Variants in PARD3B observed in about 807,000 individuals in gnomAD.
PARD3B encodes par-3 family cell polarity regulator beta.
A neutral mutation model predicts 130.2 loss-of-function variants in PARD3B; 103 were observed. The observed-to-expected ratio is 0.79, with a 90% CI of 0.67 to 0.93. The LOEUF (loss-of-function observed/expected upper bound fraction) is 0.93. Ranked by LOEUF, PARD3B falls within the 40% of genes least tolerant of loss-of-function variation. The pLI is 0.00. For synonymous variants in PARD3B, 583 were observed against 553.2 expected, an observed-to-expected ratio of 1.05 and a Z score of -0.76; for missense variants, 1,609 against 1,499.2, an observed-to-expected ratio of 1.07 and a Z score of -1.21.
At position 205,036,400 on chromosome 2, in the gene PARD3B, C is replaced by A. The variant is rs185360430; in HGVS notation, c.395-11181C>A. ...TATAGCAGACTATATAAAAAATATA[C>A]GTATATAGCAGACTATATATAAAAA... On this transcript the variant is annotated intron_variant, in intron 3 of 22. Coordinates refer to ENST00000406610, the MANE Select transcript of PARD3B (RefSeq NM_001302769.2). 1.1e-3 allele frequency among the ~76,000 whole-genome samples: 161 copies of A among 140,064 alleles called. 1 individual carries two copies. The highest frequency in any genetic ancestry group is 2.0e-3 in the Admixed American group (28 of 13,704). 91.9% of individuals were successfully genotyped at this position (140,064 alleles called of 152,430 possible).
chr2:205,133,144 A>T (rs1325655141), intron 10 of PARD3B, among the ~76,000 whole-genome samples: 2 of 152,176 alleles, frequency 1.3e-5, no homozygotes, highest in Non-Finnish European at 2.9e-5. Flanking sequence ...GAGGGTTAGG[A>T]TAGTTTTCCA....
chr2:204,622,847 C>T lies in PARD3B; in HGVS notation c.121-63334C>T, dbSNP rs1056051499. Among the ~76,000 whole-genome samples the T allele has an allele frequency of 5.3e-5, 8 of 152,062 alleles. No individual in the cohort carries two copies. In the South Asian group the frequency reaches 1.2e-3, roughly 24 times the overall value. Reference sequence around the variant, plus strand: ...AGTGTATTATCAGTAAACATTTGAGCTAGTGCTAGAACTTCTTTAATGTAT... The same window carrying T: ...AGTGTATTATCAGTAAACATTTGAGTTAGTGCTAGAACTTCTTTAATGTAT... On this transcript the variant is annotated intron_variant, in intron 1 of 22. Transcript: ENST00000406610.
intron 2 of PARD3B, among the ~76,000 whole-genome samples, chr2:204,962,970 G>C (rs1004789319): frequency 6.6e-6 from 1 of 152,216 alleles, no homozygotes; most frequent in African/African-American, 2.4e-5. Context: ...CGTTTTGCCT[G>C]TGTCTCCAAA....
intron 2 of PARD3B, among the ~76,000 whole-genome samples, chr2:204,722,884 C>A (rs1007922820): frequency 2.0e-5 from 3 of 152,150 alleles, no homozygotes; most frequent in African/African-American, 7.2e-5. Context: ...TTCTGACTCC[C>A]ACTCTTTCCC....
chr2:205,140,123 G>A (rs189622577), intron 10 of PARD3B, among the ~76,000 whole-genome samples: 1 of 152,340 alleles, frequency 6.6e-6, no homozygotes, highest in Admixed American at 6.5e-5. Context: ...CACATTGAGA[G>A]GCCAGGGCGG....
intron 2 of PARD3B, among the ~76,000 whole-genome samples, chr2:204,807,126 C>G (rs144468491): frequency 3.2e-3 from 490 of 152,216 alleles, no homozygotes; most frequent in Non-Finnish European, 5.4e-3. Context: ...GAGACTTATT[C>G]GCTCTCATGA....
chr2:204,911,490 A>T (rs1159588862), intron 2 of PARD3B, among the ~76,000 whole-genome samples: 3 of 152,232 alleles, frequency 2.0e-5, no homozygotes, highest in African/African-American at 7.2e-5. Context: ...CTCATCAAAC[A>T]TCTTCAATAA....
In PARD3B at chr2:205,031,197, A is replaced by G. The variant is rs577000202; in HGVS notation, c.395-16384A>G. 2.0e-4 allele frequency among the ~76,000 whole-genome samples: 30 copies of G among 152,278 alleles called. 1 individual carries two copies. In the South Asian group the frequency reaches 6.2e-3, roughly 32 times the overall value. On this transcript the variant is annotated intron_variant, in intron 3 of 22. Transcript: ENST00000406610. Reference sequence around the variant, plus strand: ...ATGTCACTGGCATATCTGAGAATTCAACCTATTTCATTTTGAGACCCACAT... The same window carrying G: ...ATGTCACTGGCATATCTGAGAATTCGACCTATTTCATTTTGAGACCCACAT...
chr2:204,848,958 A>G (rs924362357), intron 2 of PARD3B, among the ~76,000 whole-genome samples: 4 of 152,106 alleles, frequency 2.6e-5, no homozygotes, highest in African/African-American at 9.7e-5. Flanking sequence ...ATCAATCTTT[A>G]AGGTCCTTTT....
At chr2:205,388,480 G>A (rs1035616648) in intron 18 of PARD3B, among the ~76,000 whole-genome samples, 3 of 152,134 alleles carry the variant, frequency 2.0e-5, no homozygotes, top group East Asian at 1.9e-4. Context: ...ATCACTATGC[G>A]CTAAGCTACC....
intron 2 of PARD3B, among the ~76,000 whole-genome samples, chr2:204,802,679 A>G (rs2042614397): frequency 6.6e-6 from 1 of 152,190 alleles, no homozygotes; most frequent in Non-Finnish European, 1.5e-5. Flanking sequence ...GGATGAGTTC[A>G]TGTCCTTTGC....
chr2:204,649,955 A>C (rs749126860), intron 1 of PARD3B, among the ~76,000 whole-genome samples: 1 of 152,220 alleles, frequency 6.6e-6, no homozygotes, highest in Admixed American at 6.5e-5. Context: ...AGCAAAAGAA[A>C]CTATCAACAG....
rs2053249706 is a variant in PARD3B, at chr2:205,564,491, A to G, written c.3260+11088A>G. On this transcript the variant is annotated intron_variant, in intron 22 of 22. Transcript: ENST00000406610. The surrounding 1 kb of genome is among the most constrained non-coding windows in gnomAD (Gnocchi z 4.6). ...TTATGCTAGTGAGTTAAATATATAT[A>G]CATATAAACCAGTTGGTTCCACTTC... 6.6e-6 allele frequency among the ~76,000 whole-genome samples: 1 copy of G among 152,222 alleles called. No homozygotes were observed. Among genetic ancestry groups the G allele is most frequent in the South Asian group, 2.1e-4 (1 of 4,822 alleles).
intron 2 of PARD3B, among the ~76,000 whole-genome samples, chr2:204,729,688 G>A (rs1196146427): frequency 1.3e-5 from 2 of 152,052 alleles, no homozygotes; most frequent in African/African-American, 4.8e-5. Context: ...GAACCATTTA[G>A]AAAACATTTT....
In PARD3B at chr2:204,571,185, G is replaced by A. The variant is rs2031983268; in HGVS notation, c.120+25066G>A. Among the ~76,000 whole-genome samples, 3 of 152,124 alleles carry A rather than the reference G, an allele frequency of 2.0e-5. No homozygotes were observed. The South Asian group carries it at 6.2e-4, about 31-fold the overall frequency. The stretch of plus-strand genomic sequence containing the variant: ...AAGAAGGTGAAATAGATCCATGTGG[G>A]GTTTTGGGAAAAACACTGAACTTGG... On this transcript the variant is annotated intron_variant, in intron 1 of 22. Coordinates refer to ENST00000406610, the MANE Select transcript of PARD3B (RefSeq NM_001302769.2).
chr2:205,052,367 C>G (rs1000923082), intron 4 of PARD3B, among the ~76,000 whole-genome samples: 8 of 146,460 alleles, frequency 5.5e-5, no homozygotes, highest in African/African-American at 1.8e-4. Context: ...TCTTACATCA[C>G]CAAAATACTT....
intron 2 of PARD3B, among the ~76,000 whole-genome samples, chr2:204,699,393 C>T (rs890275926): frequency 6.6e-6 from 1 of 152,120 alleles, no homozygotes; most frequent in Non-Finnish European, 1.5e-5. Context: ...CACAATCACT[C>T]CTTTCTGAAG....
intron 3 of PARD3B, among the ~76,000 whole-genome samples, chr2:205,028,979 A>C (rs1575588140): frequency 6.6e-6 from 1 of 152,132 alleles, no homozygotes; most frequent in East Asian, 1.9e-4. Context: ...AATCTGGTAG[A>C]TCTTGGTTAG....
In PARD3B at chr2:205,384,455, G is replaced by A. The variant is rs114241472; in HGVS notation, c.2631-16558G>A. Among the ~76,000 whole-genome samples the A allele has an allele frequency of 5.3e-3, 800 of 152,170 alleles. 8 individuals carry two copies. The highest frequency in any genetic ancestry group is 0.018 in the African/African-American group (752 of 41,536). On this transcript the variant is annotated intron_variant, in intron 18 of 22. Coordinates refer to ENST00000406610, the MANE Select transcript of PARD3B (RefSeq NM_001302769.2). ...TAAAATAGATCTGAGTAGGGATTTT[G>A]TGTCTTTGACTATTTTTGATTCCTA... is the stretch of plus-strand genomic sequence containing the variant.
Sources: allele counts gnomAD v4.1 joint callset (sites outside exome capture counted in the v4.1 genomes callset), GRCh38; gene constraint gnomAD v4.1.1; non-coding constraint Gnocchi (gnomAD v3.1); transcripts MANE v1.5; gene names NCBI Gene and HGNC (gene_info 2026-07-23, HGNC 2026-07-21).